Variants in GRID2 observed in about 807,000 individuals in gnomAD.
The protein encoded by GRID2 is glutamate ionotropic receptor delta type subunit 2.
GRID2 carries 33 observed loss-of-function variants against 114.8 expected under a neutral mutation model. The ratio of observed to expected loss-of-function variants is 0.29; its 90% CI spans 0.22 to 0.38. GRID2 has a LOEUF of 0.38. GRID2 is among the 10% of genes least tolerant of loss of function. GRID2 has a pLI of 1.00. For synonymous variants in GRID2, 505 were observed against 449.9 expected (o/e 1.12, Z -1.55); for missense variants, 1,184 against 1,257.7 (o/e 0.94, Z 0.89).
intron 1 of GRID2, among the ~76,000 whole-genome samples, chr4:92,357,951 A>G (rs1728415981): frequency 6.6e-6 from 1 of 152,016 alleles, no homozygotes; most frequent in South Asian, 2.1e-4. Flanking sequence ...TAGACAAAGT[A>G]TTAGATGAAG....
intron 11 of GRID2, among the ~76,000 whole-genome samples, chr4:93,489,543 GACTT>G (rs888312419): frequency 2.6e-5 from 4 of 151,922 alleles, no homozygotes; most frequent in Non-Finnish European, 5.9e-5. Flanking sequence ...CATGGTAATA[GACTT>G]AGGAGAGGTA....
chr4:92,482,566 A>G (rs532074970), intron 1 of GRID2, among the ~76,000 whole-genome samples: 3 of 152,204 alleles, frequency 2.0e-5, no homozygotes, highest in Non-Finnish European at 2.9e-5. Flanking sequence ...TAGTTATGTT[A>G]ACTGTTTTAG....
chr4:92,754,151 C>G lies in GRID2; in HGVS notation c.244+163865C>G, dbSNP rs185328803. Among the ~76,000 whole-genome samples the G allele has an allele frequency of 2.5e-4, 38 of 152,284 alleles. No individual in the cohort carries two copies. In the East Asian group the frequency reaches 3.7e-3, roughly 15 times the overall value. On this transcript the variant is annotated intron_variant, in intron 2 of 15. Transcript: ENST00000282020. ...CCTTAATTACTTGCCTTAGGAAGGGCATGTAATGGGTGTCTGAAAAGACTA... is the reference window on the plus strand; with the variant it reads ...CCTTAATTACTTGCCTTAGGAAGGGGATGTAATGGGTGTCTGAAAAGACTA...
intron 14 of GRID2, among the ~76,000 whole-genome samples, chr4:93,704,437 T>G (rs1000516687): frequency 2.6e-5 from 4 of 152,314 alleles, no homozygotes; most frequent in South Asian, 2.1e-4. Context: ...TTTCTCCCAT[T>G]CTGTAGGTTG....
At chr4:92,682,332 T>C (rs1471485341) in intron 2 of GRID2, among the ~76,000 whole-genome samples, 1 of 152,136 alleles carries the variant, frequency 6.6e-6, no homozygotes. Context: ...AAAGTGCAAG[T>C]GTTGATTGGT....
At chr4:92,900,217 C>T (rs1437088336) in intron 2 of GRID2, among the ~76,000 whole-genome samples, 1 of 152,148 alleles carries the variant, frequency 6.6e-6, no homozygotes, top group South Asian at 2.1e-4. Context: ...TCTCAGTTTA[C>T]AGCACATTGC....
At chr4:93,024,870 A>G (rs1369356922) in intron 2 of GRID2, among the ~76,000 whole-genome samples, 1 of 151,814 alleles carries the variant, frequency 6.6e-6, no homozygotes, top group Non-Finnish European at 1.5e-5. Context: ...TAAATAACCT[A>G]TATTTTAATG....
intron 8 of GRID2, among the ~76,000 whole-genome samples, chr4:93,302,364 T>C (rs1445591406): frequency 6.6e-6 from 1 of 152,226 alleles, no homozygotes; most frequent in Non-Finnish European, 1.5e-5. Flanking sequence ...TTAAACCGTT[T>C]ACTTGGAATA....
At chr4:93,070,715 A>G (rs1009661008) in intron 2 of GRID2, among the ~76,000 whole-genome samples, 5 of 152,104 alleles carry the variant, frequency 3.3e-5, no homozygotes, top group African/African-American at 1.2e-4. Flanking sequence ...ATTTTAAACC[A>G]AAATACATTC....
At chr4:92,744,537 G>A (rs1737054619) in intron 2 of GRID2, among the ~76,000 whole-genome samples, 1 of 150,504 alleles carries the variant, frequency 6.6e-6, no homozygotes, top group Non-Finnish European at 1.5e-5. Context: ...ACATGAAAAT[G>A]TGTGACTCCA....
At chr4:92,479,516 G>T (rs1722479494) in intron 1 of GRID2, among the ~76,000 whole-genome samples, 1 of 152,082 alleles carries the variant, frequency 6.6e-6, no homozygotes, top group African/African-American at 2.4e-5. Context: ...CTGTTTAAAT[G>T]AGCACTTACA....
At chr4:93,285,235 G>A (rs1343113287) in intron 8 of GRID2, among the ~76,000 whole-genome samples, 4 of 152,010 alleles carry the variant, frequency 2.6e-5, no homozygotes, top group Non-Finnish European at 5.9e-5. Flanking sequence ...GCATGAGTCT[G>A]TGCACTTAAG....
intron 2 of GRID2, among the ~76,000 whole-genome samples, chr4:92,937,820 T>C (rs1489627800): frequency 6.8e-6 from 1 of 146,612 alleles, no homozygotes; most frequent in Non-Finnish European, 1.5e-5. Context: ...CTTAATAGTA[T>C]TAATTCTTCC....
Position 92,693,187 on chromosome 4 carries a change from A to G in GRID2, c.244+102901A>G, listed in dbSNP as rs534195691. On this transcript the variant is annotated intron_variant, in intron 2 of 15. Transcript: ENST00000282020. ...TTTTAATAGACTTCAAAATGGAAAC[A>G]ACGTTCTAGTAATCTCAAATGTGAA... is the stretch of plus-strand genomic sequence containing the variant. Among the ~76,000 whole-genome samples the G allele has an allele frequency of 1.2e-4, 19 of 152,178 alleles. No individual in the cohort carries two copies. The South Asian group carries it at 3.9e-3, about 32-fold the overall frequency.
chr4:93,042,247 A>ATCTC lies in GRID2; in HGVS notation c.245-42724_245-42721dup, dbSNP rs1166899378. Among the ~76,000 whole-genome samples, 868 of 121,416 alleles carry ATCTC rather than the reference A, an allele frequency of 7.1e-3. 4 individuals carry two copies. Among genetic ancestry groups the ATCTC allele is most frequent in the African/African-American group, 0.016 (483 of 29,800 alleles). The allele number at this position is 121,416 out of a possible 152,430, so 79.7% of individuals were successfully genotyped here. The stretch of plus-strand genomic sequence containing the variant: ...ATATATTTTAAATAATATATTTTAA[A>ATCTC]TCTCTCTCTCTCTCTCTCTCTCTCT... On this transcript the variant is annotated intron_variant, in intron 2 of 15. Coordinates refer to ENST00000282020, the MANE Select transcript of GRID2 (RefSeq NM_001510.4).
At chr4:93,103,071 A>G (rs1326875031) in intron 3 of GRID2, among the ~76,000 whole-genome samples, 1 of 151,958 alleles carries the variant, frequency 6.6e-6, no homozygotes, top group African/African-American at 2.4e-5. Context: ...TCTTCTCCCA[A>G]ATGCTGAGAG....
intron 1 of GRID2, among the ~76,000 whole-genome samples, chr4:92,485,301 CATAT>C (rs34583484): frequency 0.095 from 5,298 of 55,974 alleles, 257 homozygotes; most frequent in African/African-American, 0.13. Context: ...AAGGTGTGTG[CATAT>C]ATATATATAT....
intron 2 of GRID2, among the ~76,000 whole-genome samples, chr4:92,686,419 A>G (rs576028170): frequency 1.3e-5 from 2 of 152,118 alleles, no homozygotes; most frequent in African/African-American, 4.8e-5. Context: ...ACATTTTTAT[A>G]TATCTCCAAT....
At chr4:92,940,360 C>G (rs1025346648) in intron 2 of GRID2, among the ~76,000 whole-genome samples, 3 of 142,014 alleles carry the variant, frequency 2.1e-5, no homozygotes, top group Non-Finnish European at 4.6e-5. Flanking sequence ...TAATTTGGCT[C>G]TCTGTTTGTC....
Sources: allele counts gnomAD v4.1 joint callset (sites outside exome capture counted in the v4.1 genomes callset), GRCh38; gene constraint gnomAD v4.1.1; transcripts MANE v1.5; gene names NCBI Gene and HGNC (gene_info 2026-07-23, HGNC 2026-07-21).